CPNE3: variants seen among roughly 807,000 people sequenced by gnomAD.
CPNE3 encodes copine 3.
A neutral mutation model predicts 63.9 loss-of-function variants in CPNE3; 68 were observed. The ratio of observed to expected loss-of-function variants is 1.06; its 90% CI spans 0.87 to 1.30. CPNE3 has a LOEUF of 1.30. Ranked by LOEUF, CPNE3 falls within the 50% of genes most tolerant of loss-of-function variation. CPNE3 has a pLI of 0.00. For synonymous variants in CPNE3, 219 were observed against 197.5 expected (o/e 1.11, Z -0.91); for missense variants, 665 against 578.1 (o/e 1.15, Z -1.54).
Position 86,531,006 on chromosome 8 carries a change from G to C in CPNE3, c.313-149G>C. The C allele has an allele frequency of 6.7e-6, 4 of 597,486 alleles. No homozygotes were observed. The South Asian group carries it at 7.9e-5, about 12-fold the overall frequency. The allele number at this position is 597,486 out of a possible 1,614,324, so 37.0% of individuals were successfully genotyped here. On this transcript the variant is annotated intron_variant, in intron 4 of 16. Transcript: ENST00000517490. ...TGCACCTGGCTCTAAATATGTAGAT[G>C]ATCTAAATCTTTAAGAAACCAACTG...
chr8:86,556,334 A>G lies in CPNE3; in HGVS notation c.1487A>G (p.Gln496Arg). Residue 496 changes from glutamine to arginine, a missense_variant, in exon 16 of 17, where the codon CAG (glutamine) becomes CGG (arginine). Transcript: ENST00000517490. ...IVQFVPFRQF[Q>R]NAPKEALAQC... ...CAGTTTGTGCCTTTCAGACAGTTCC[A>G]GAATGTGAGTACCACTCCTCCCTAC... The G allele has an allele frequency of 1.1e-6, 1 of 873,000 alleles. No homozygotes were observed. 54.1% of individuals were successfully genotyped at this position (873,000 alleles called of 1,614,324 possible). A position where few individuals can be genotyped will look rare whatever the true frequency, so the allele number is the denominator to read the frequency against.
At chr8:86,529,481 G>A (rs1820622249) in intron 4 of CPNE3, among the ~76,000 whole-genome samples, 1 of 152,192 alleles carries the variant, frequency 6.6e-6, no homozygotes. Flanking sequence ...CTTCTAACTA[G>A]TGAGACTGGC....
At position 86,544,747 on chromosome 8, in the gene CPNE3, G is replaced by T; in HGVS notation, c.641G>T (p.Cys214Phe). ...GDMDKTIKVE[C>F]YDYDNDGSHD... Reference sequence around the variant, plus strand: ...TATTATATTTAATTTCAGGTGGAGTGTTATGATTATGACAATGATGGGTCA... The same window carrying T: ...TATTATATTTAATTTCAGGTGGAGTTTTATGATTATGACAATGATGGGTCA... Residue 214 changes from cysteine to phenylalanine, a missense_variant, in exon 9 of 17, where the codon TGT (cysteine) becomes TTT (phenylalanine). Cys to Phe is a radical substitution (Grantham distance 205). Coordinates refer to ENST00000517490, the MANE Select transcript of CPNE3 (RefSeq NM_003909.5). 1.3e-6 allele frequency: 2 copies of T among 1,490,138 alleles called. No homozygotes were observed. Among genetic ancestry groups the T allele is most frequent in the Non-Finnish European group, 9.0e-7 (1 of 1,110,724 alleles). 92.3% of individuals were successfully genotyped at this position (1,490,138 alleles called of 1,614,324 possible).
chr8:86,557,248 C>T (rs991158825), intron 16 of CPNE3, among the ~76,000 whole-genome samples: 2 of 152,164 alleles, frequency 1.3e-5, no homozygotes, highest in African/African-American at 4.8e-5. Context: ...ATTCTCATGC[C>T]TCAGCCTCCC....
intron 4 of CPNE3, among the ~76,000 whole-genome samples, chr8:86,530,234 A>G (rs1820642866): frequency 6.6e-6 from 1 of 150,624 alleles, no homozygotes; most frequent in Admixed American, 6.6e-5. Context: ...TCGTGGCTCA[A>G]TCACAGCTCA....
chr8:86,546,686 G>A lies in CPNE3; in HGVS notation c.819+5G>A, dbSNP rs774322695. The A allele has an allele frequency of 1.6e-5, 25 of 1,593,146 alleles. No homozygotes were observed. The highest frequency in any genetic ancestry group is 1.1e-4 in the Admixed American group (6 of 54,762). On this transcript the variant is annotated splice_donor_5th_base_variant and intron_variant, in intron 10 of 16. Coordinates refer to ENST00000517490, the MANE Select transcript of CPNE3 (RefSeq NM_003909.5). ...ATCAGTGTGAAACAGTGTGAGGTCC[G>A]TTGGCCTTGGCTACTTATTTTTATT...
At chr8:86,526,440 G>C (rs1195915200) in intron 2 of CPNE3, among the ~76,000 whole-genome samples, 1 of 151,846 alleles carries the variant, frequency 6.6e-6, no homozygotes, top group Non-Finnish European at 1.5e-5. Context: ...GTGATAAAAT[G>C]ATAATAAAAT....
chr8:86,551,830 A>AT (rs1821185582), intron 14 of CPNE3, among the ~76,000 whole-genome samples: 1 of 152,108 alleles, frequency 6.6e-6, no homozygotes, highest in South Asian at 2.1e-4. Flanking sequence ...TCTTTTATTT[A>AT]TTTAAAAAAA....
intron 9 of CPNE3, 162 bp downstream of exon 9, chr8:86,545,000 T>G: frequency 2.6e-6 from 1 of 380,476 alleles, no homozygotes; most frequent in East Asian, 4.1e-5. Flanking sequence ...CAATTCATAC[T>G]TGGGGCATGA....
rs896777978 is a variant in CPNE3, at chr8:86,528,570, G to A, written c.25G>A (p.Val9Met). The change falls in exon 3 of 17, where the codon GTG becomes ATG. Residue 9 changes from valine to methionine, a missense_variant. Physicochemically the swap from Val to Met is conservative, Grantham distance 21. Transcript: ENST00000517490. ...CATGGCTGCCCAGTGTGTCACAAAGGTGGCGCTGAATGTTTCCTGTGCCAA... is the reference window on the plus strand; with the variant it reads ...CATGGCTGCCCAGTGTGTCACAAAGATGGCGCTGAATGTTTCCTGTGCCAA... MAAQCVTK[V>M]ALNVSCANLL... The A allele has an allele frequency of 1.9e-6, 3 of 1,613,898 alleles. No individual in the cohort carries two copies. Among genetic ancestry groups the A allele is most frequent in the Admixed American group, 1.7e-5 (1 of 59,952 alleles).
At chr8:86,529,684 A>G (rs879852232) in intron 4 of CPNE3, among the ~76,000 whole-genome samples, 8 of 152,280 alleles carry the variant, frequency 5.3e-5, no homozygotes, top group Admixed American at 5.2e-4. Context: ...TCTTCCCAGT[A>G]TATGATAAGT....
chr8:86,528,934 G>C lies in CPNE3; in HGVS notation c.133-11G>C. The C allele has an allele frequency of 6.3e-7, 1 of 1,590,448 alleles. No homozygotes were observed. The highest frequency in any genetic ancestry group is 1.7e-4 in the Middle Eastern group (1 of 5,926). Reference sequence around the variant, plus strand: ...CTGAAGAAACTTTTTTGTTTTTGCGGATGGGTGTAGGTTGAGCGCACAGAA... The same window carrying C: ...CTGAAGAAACTTTTTTGTTTTTGCGCATGGGTGTAGGTTGAGCGCACAGAA... On this transcript the variant is annotated splice_polypyrimidine_tract_variant and intron_variant, in intron 3 of 16. Transcript: ENST00000517490.
intron 16 of CPNE3, among the ~76,000 whole-genome samples, chr8:86,557,372 G>A (rs1035656986): frequency 4.6e-5 from 7 of 152,186 alleles, no homozygotes; most frequent in Non-Finnish European, 8.8e-5. Context: ...CTGGCCTCAA[G>A]TGATCCACTC....
chr8:86,528,982 C>G lies in CPNE3; in HGVS notation c.170C>G (p.Pro57Arg). The G allele has an allele frequency of 6.2e-7, 1 of 1,613,512 alleles. No individual in the cohort carries two copies. The highest frequency in any genetic ancestry group is 8.5e-7 in the Non-Finnish European group (1 of 1,179,866). The stretch of plus-strand genomic sequence containing the variant: ...GAAAGGATTAAGAATTGCTTGAATC[C>G]CCAATTTTCCAAGACATTTATTATT... The part of the protein sequence containing the change: ...RTERIKNCLN[P>R]QFSKTFIIDY... The change falls in exon 4 of 17, where the codon CCC (proline) becomes CGC (arginine). Residue 57 changes from proline to arginine, a missense_variant. Coordinates refer to ENST00000517490, the MANE Select transcript of CPNE3 (RefSeq NM_003909.5).
At chr8:86,541,467 G>A (rs1820936766) in intron 8 of CPNE3, among the ~76,000 whole-genome samples, 1 of 152,070 alleles carries the variant, frequency 6.6e-6, no homozygotes, top group Admixed American at 6.5e-5. Context: ...ACTTTGGGAG[G>A]CCGAGGCGGG....
chr8:86,539,930 G>A (rs1035944278), intron 7 of CPNE3, among the ~76,000 whole-genome samples: 2 of 152,098 alleles, frequency 1.3e-5, no homozygotes, highest in Non-Finnish European at 2.9e-5. Flanking sequence ...CTCCCAAAGT[G>A]TGGGGATTAC....
At chr8:86,551,020 T>C in intron 12 of CPNE3, 26 bp from the exon 13 acceptor site, 1 of 1,533,372 alleles carries the variant, frequency 6.5e-7, no homozygotes, top group Non-Finnish European at 8.8e-7. Context: ...AAAACAGTAT[T>C]TTATTAAATA....
intron 9 of CPNE3, chr8:86,545,129 T>G (rs72690468): frequency 0.059 from 11,302 of 192,038 alleles, 432 homozygotes; most frequent in Non-Finnish European, 0.088. Flanking sequence ...CCAATCCTTT[T>G]GCCTATTGTA....
intron 2 of CPNE3, among the ~76,000 whole-genome samples, chr8:86,515,982 A>G (rs1484044054): frequency 6.6e-6 from 1 of 152,250 alleles, no homozygotes; most frequent in Non-Finnish European, 1.5e-5. Flanking sequence ...TAGTGACAAC[A>G]ATAGATGTCT....
Sources: allele counts gnomAD v4.1 joint callset (sites outside exome capture counted in the v4.1 genomes callset), GRCh38; gene constraint gnomAD v4.1.1; transcripts MANE v1.5; gene names NCBI Gene and HGNC (gene_info 2026-07-23, HGNC 2026-07-21).